Variants in TDRD5 observed in about 807,000 individuals in gnomAD.
TDRD5 encodes tudor domain containing 5.
Under a neutral mutation model 120.6 loss-of-function variants are expected in TDRD5, and 41 were observed. The observed-to-expected ratio is 0.34, with a 90% confidence interval of 0.26 to 0.44. The LOEUF (loss-of-function observed/expected upper bound fraction) is 0.44, where lower values mean the gene tolerates loss of function less well. Ranked by LOEUF, TDRD5 falls within the 20% of genes least tolerant of loss-of-function variation. The pLI is 1.00. For synonymous variants in TDRD5, 430 were observed against 433.7 expected, an observed-to-expected ratio of 0.99 and a Z score of 0.11; for missense variants, 1,006 against 1,221.2, an observed-to-expected ratio of 0.82 and a Z score of 2.63.
At chr1:179,662,805 T>A (rs1319799207) in intron 15 of TDRD5, among the ~76,000 whole-genome samples, 1 of 152,210 alleles carries the variant, frequency 6.6e-6, no homozygotes, top group Non-Finnish European at 1.5e-5. Flanking sequence ...AATTTTTGCA[T>A]ATCTGCCCTT....
intron 14 of TDRD5, among the ~76,000 whole-genome samples, chr1:179,657,170 C>T (rs1679050134): frequency 6.6e-6 from 1 of 152,114 alleles, no homozygotes; most frequent in African/African-American, 2.4e-5. Context: ...ATCAGCTTAT[C>T]TATACCTGAG....
chr1:179,662,882 G>A (rs76179777), intron 15 of TDRD5, among the ~76,000 whole-genome samples: 3,240 of 152,206 alleles, frequency 0.021, 100 homozygotes, highest in African/African-American at 0.072. Context: ...ATAAATAAAT[G>A]AAAGAAACCA....
chr1:179,686,445 C>T (rs570725328), intron 17 of TDRD5, among the ~76,000 whole-genome samples: 2 of 152,268 alleles, frequency 1.3e-5, no homozygotes, highest in African/African-American at 4.8e-5. Flanking sequence ...TTTGGTTTGC[C>T]AGTATTTTAT....
At chr1:179,628,647 C>A (rs1197510152) in intron 6 of TDRD5, among the ~76,000 whole-genome samples, 1 of 151,784 alleles carries the variant, frequency 6.6e-6, no homozygotes, top group African/African-American at 2.4e-5. Flanking sequence ...GCCAATAAAG[C>A]AGAAAGCATA....
chr1:179,684,667 G>C (rs2147816986), intron 17 of TDRD5, among the ~76,000 whole-genome samples: 1 of 152,336 alleles, frequency 6.6e-6, no homozygotes, highest in African/African-American at 2.4e-5. Context: ...CCCACCAGCA[G>C]TGAAAAAGTG....
intron 17 of TDRD5, among the ~76,000 whole-genome samples, chr1:179,689,248 T>C (rs1434227476): frequency 6.6e-6 from 1 of 152,218 alleles, no homozygotes; most frequent in African/African-American, 2.4e-5. Flanking sequence ...ATGTCCTTTC[T>C]GTTTGTTAGT....
intron 4 of TDRD5, among the ~76,000 whole-genome samples, chr1:179,604,797 A>C (rs928478898): frequency 2.6e-5 from 4 of 152,302 alleles, no homozygotes; most frequent in Admixed American, 2.6e-4. Context: ...GGCCTATTAT[A>C]TGGTCTATCT....
At chr1:179,685,661 T>G (rs1367496224) in intron 17 of TDRD5, among the ~76,000 whole-genome samples, 3 of 152,250 alleles carry the variant, frequency 2.0e-5, no homozygotes, top group Admixed American at 2.0e-4. Context: ...ATATTGATTC[T>G]TCCTATCCAT....
intron 14 of TDRD5, 81 bp downstream of exon 14, chr1:179,654,443 T>C: frequency 7.4e-7 from 1 of 1,358,822 alleles, no homozygotes; most frequent in South Asian, 1.8e-5. Context: ...TGGAATAAAC[T>C]CTGTTTAAAC....
At chr1:179,650,639 T>C (rs1438082407) in intron 11 of TDRD5, among the ~76,000 whole-genome samples, 2 of 152,154 alleles carry the variant, frequency 1.3e-5, no homozygotes, top group Non-Finnish European at 2.9e-5. Flanking sequence ...AAGTTGCACA[T>C]CACATAATTA....
chr1:179,592,251 C>A, intron 1 of TDRD5, 126 bp downstream of exon 1: 1 of 205,360 alleles, frequency 4.9e-6, no homozygotes, highest in South Asian at 8.5e-5. Context: ...CCCTGCAGGG[C>A]GGAGGCGGCA....
chr1:179,675,579 C>T (rs1680105958), intron 17 of TDRD5, among the ~76,000 whole-genome samples: 1 of 152,126 alleles, frequency 6.6e-6, no homozygotes, highest in African/African-American at 2.4e-5. Context: ...GCGCCCGGCC[C>T]TCAAAGAATT....
chr1:179,659,290 A>G (rs745745101), intron 14 of TDRD5, among the ~76,000 whole-genome samples: 29 of 152,278 alleles, frequency 1.9e-4, no homozygotes, highest in Middle Eastern at 3.4e-3. Context: ...GATCCTTGCT[A>G]TCTACCGATT....
At chr1:179,672,579 T>C (rs1679913759) in intron 17 of TDRD5, among the ~76,000 whole-genome samples, 1 of 152,230 alleles carries the variant, frequency 6.6e-6, no homozygotes, top group Admixed American at 6.5e-5. Flanking sequence ...TCTTTTGCTG[T>C]ACAGAAGCTT....
chr1:179,599,517 T>G (rs1675581892), intron 4 of TDRD5, among the ~76,000 whole-genome samples: 1 of 152,048 alleles, frequency 6.6e-6, no homozygotes, highest in African/African-American at 2.4e-5. Context: ...TATAGGGCTA[T>G]TTTGTATTTT....
chr1:179,594,041 A>C (rs1675259224), intron 3 of TDRD5, among the ~76,000 whole-genome samples, 174 bp downstream of exon 3: 1 of 152,218 alleles, frequency 6.6e-6, no homozygotes, highest in South Asian at 2.1e-4. Flanking sequence ...TAAAATAGAA[A>C]TAACAGTATT....
intron 9 of TDRD5, among the ~76,000 whole-genome samples, chr1:179,637,673 C>T (rs1260966794): frequency 6.6e-6 from 1 of 151,482 alleles, no homozygotes; most frequent in East Asian, 1.9e-4. Context: ...CATGATTGTG[C>T]TACTGCACTC....
chr1:179,668,250 C>T (rs888689530), intron 16 of TDRD5, among the ~76,000 whole-genome samples: 1 of 152,072 alleles, frequency 6.6e-6, no homozygotes, highest in African/African-American at 2.4e-5. Context: ...CCTTTTTGTC[C>T]CTTCTGAGGA....
At chr1:179,659,080 C>T (rs1030611595) in intron 14 of TDRD5, among the ~76,000 whole-genome samples, 2 of 152,188 alleles carry the variant, frequency 1.3e-5, no homozygotes, top group East Asian at 1.9e-4. Context: ...CTTCCTGTTA[C>T]GTCTTTCCAG....
Sources: allele counts gnomAD v4.1 joint callset (sites outside exome capture counted in the v4.1 genomes callset), GRCh38; gene constraint gnomAD v4.1.1; transcripts MANE v1.5; gene names NCBI Gene and HGNC (gene_info 2026-07-23, HGNC 2026-07-21).